Variants in UNC13C observed in about 807,000 individuals in gnomAD.
UNC13C encodes protein unc-13 homolog C.
In UNC13C, 174 loss-of-function variants were observed where a neutral mutation model predicts 245.4. That is an observed-to-expected ratio of 0.71 (90% CI 0.63 to 0.80). The LOEUF (loss-of-function observed/expected upper bound fraction) is 0.80. UNC13C is among the 30% of genes least tolerant of loss of function. The pLI, the probability that UNC13C is intolerant of heterozygous loss-of-function variation, is 0.00. For missense variants in UNC13C, 2,829 were observed against 2,602.9 expected (o/e 1.09, Z -1.89); for synonymous variants, 992 against 895.1 (o/e 1.11, Z -1.93).
the UNC13C span, among the ~76,000 whole-genome samples, chr15:53,939,547 C>T: frequency 1.3e-5 from 2 of 152,122 alleles, no homozygotes; most frequent in African/African-American, 4.8e-5. Flanking sequence ...ACGAAAACTT[C>T]AGGCCAGTAT....
the UNC13C span, among the ~76,000 whole-genome samples, chr15:53,879,560 T>C: frequency 6.6e-6 from 1 of 152,154 alleles, no homozygotes; most frequent in African/African-American, 2.4e-5. Flanking sequence ...TAAGTATACT[T>C]GTTATTTTTT....
At chr15:54,032,743 C>G (rs1451968412) in intron 2 of UNC13C, among the ~76,000 whole-genome samples, 1 of 152,142 alleles carries the variant, frequency 6.6e-6, no homozygotes, top group Non-Finnish European at 1.5e-5. Flanking sequence ...TTCCTAGAAA[C>G]TGGTTCTCCT....
chr15:54,505,099 G>A (rs185396672), intron 22 of UNC13C, among the ~76,000 whole-genome samples: 74 of 152,182 alleles, frequency 4.9e-4, no homozygotes, highest in Middle Eastern at 3.4e-3. Context: ...ATAGGCATCC[G>A]TAAAAGAGCC....
intron 7 of UNC13C, among the ~76,000 whole-genome samples, chr15:54,247,653 G>T (rs2036030577): frequency 6.6e-6 from 1 of 151,956 alleles, no homozygotes; most frequent in South Asian, 2.1e-4. Context: ...CCTCTAGTAG[G>T]TTGTCTAATG....
intron 22 of UNC13C, among the ~76,000 whole-genome samples, chr15:54,503,107 G>C (rs1051407377): frequency 2.6e-5 from 4 of 152,086 alleles, no homozygotes; most frequent in Non-Finnish European, 5.9e-5. Flanking sequence ...GTATTACTGA[G>C]GAGATGTGTG....
chr15:54,316,813 C>T (rs114006991), intron 13 of UNC13C, among the ~76,000 whole-genome samples: 4 of 151,918 alleles, frequency 2.6e-5, no homozygotes, highest in Non-Finnish European at 5.9e-5. Flanking sequence ...GGAGGATTGC[C>T]CTGCACCTCC....
intron 29 of UNC13C, among the ~76,000 whole-genome samples, chr15:54,563,184 C>A (rs965940081): frequency 2.0e-5 from 3 of 151,990 alleles, no homozygotes; most frequent in African/African-American, 7.2e-5. Flanking sequence ...TACCGGGACC[C>A]TTCTAAAGCC....
chr15:54,069,212 T>C (rs189684196), intron 2 of UNC13C, among the ~76,000 whole-genome samples: 66 of 152,260 alleles, frequency 4.3e-4, no homozygotes, highest in Non-Finnish European at 8.2e-4. Context: ...TGTCTGAAAG[T>C]GTTTAAGCAG....
At chr15:54,542,785 G>T (rs1378125358) in intron 26 of UNC13C, among the ~76,000 whole-genome samples, 1 of 151,988 alleles carries the variant, frequency 6.6e-6, no homozygotes, top group Non-Finnish European at 1.5e-5. Flanking sequence ...ATCTTTGTTG[G>T]TTTAAAGTCT....
chr15:54,129,574 T>A (rs2031278755), intron 2 of UNC13C, among the ~76,000 whole-genome samples: 1 of 152,042 alleles, frequency 6.6e-6, no homozygotes. Context: ...TGCTAAGTTT[T>A]TCTATTATTT....
intron 10 of UNC13C, among the ~76,000 whole-genome samples, chr15:54,268,801 T>C (rs1301469036): frequency 1.3e-5 from 2 of 152,152 alleles, no homozygotes; most frequent in Non-Finnish European, 2.9e-5. Context: ...TGGGCACTAT[T>C]GCATCAAACT....
chr15:54,295,590 G>T (rs1189276966), intron 11 of UNC13C, among the ~76,000 whole-genome samples: 1 of 151,830 alleles, frequency 6.6e-6, no homozygotes, highest in Non-Finnish European at 1.5e-5. Context: ...CACTGAGGCT[G>T]CAGTGGACTA....
intron 30 of UNC13C, among the ~76,000 whole-genome samples, chr15:54,615,558 C>T (rs1435218701): frequency 6.6e-6 from 1 of 152,050 alleles, no homozygotes; most frequent in Non-Finnish European, 1.5e-5. Context: ...TTTTTACCTC[C>T]ACCTCTCTCT....
chr15:54,118,852 C>T (rs778406633), intron 2 of UNC13C, among the ~76,000 whole-genome samples: 23 of 148,752 alleles, frequency 1.5e-4, no homozygotes, highest in Admixed American at 4.0e-4. Context: ...CATGAAGGGA[C>T]GTTAAATTTT....
chr15:54,280,679 T>TATACATATATAAACATATGTATAC (rs1596137103), intron 10 of UNC13C, among the ~76,000 whole-genome samples: 3 of 85,040 alleles, frequency 3.5e-5, no homozygotes, highest in Non-Finnish European at 6.3e-5. Context: ...CATATACATA[T>TATACATATATAAACATATGTATAC]ATACATATAT....
chr15:54,234,119 TTCTC>T (rs67396814), intron 4 of UNC13C, among the ~76,000 whole-genome samples: 47,820 of 151,754 alleles, frequency 0.32, 8,145 homozygotes, highest in African/African-American at 0.44. Context: ...ATTTTTCTCT[TTCTC>T]TCACCCATTT....
intron 4 of UNC13C, among the ~76,000 whole-genome samples, chr15:54,167,938 A>T (rs1339819783): frequency 6.6e-6 from 1 of 152,204 alleles, no homozygotes; most frequent in Non-Finnish European, 1.5e-5. Context: ...CTATGCACCT[A>T]CCAAAATGTT....
rs542601502 is a variant in UNC13C at position 54,058,194 on chromosome 15, A to G, written c.2983+42308A>G. ...AGGAGCTGTTTTTTTGAAAAGATCA[A>G]CAAAACTGATAGACAACTAGCAAGA... is the stretch of plus-strand genomic sequence containing the variant. On this transcript the variant is annotated intron_variant, in intron 2 of 32. Transcript: ENST00000260323. Among the ~76,000 whole-genome samples, 5 of 152,318 alleles carry G rather than the reference A, an allele frequency of 3.3e-5. No homozygotes were observed. In the East Asian group the frequency reaches 5.8e-4, roughly 18 times the overall value.
At chr15:54,047,561 G>T (rs538303819) in intron 2 of UNC13C, among the ~76,000 whole-genome samples, 26 of 152,200 alleles carry the variant, frequency 1.7e-4, no homozygotes, top group African/African-American at 5.8e-4. Context: ...GGTTTATCCT[G>T]TTGTAGCATT....
Sources: gnomAD v4.1 joint callset for allele counts (sites outside exome capture counted in the v4.1 genomes callset) on GRCh38, gnomAD v4.1.1 for gene constraint, MANE v1.5 for transcripts, NCBI Gene and HGNC (gene_info 2026-07-23, HGNC 2026-07-21) for gene names.